The following TMEM59 variants were observed in gnomAD, a reference collection of about 807,000 sequenced individuals.
The protein encoded by TMEM59 is transmembrane protein 59.
A neutral mutation model predicts 42.2 loss-of-function variants in TMEM59; 44 were observed. That is an observed-to-expected ratio of 1.04 (90% CI 0.82 to 1.34). The LOEUF (loss-of-function observed/expected upper bound fraction) is 1.34. Ranked by LOEUF, TMEM59 falls within the 40% of genes most tolerant of loss-of-function variation. The probability of loss-of-function intolerance (pLI) is 0.00; values close to 1 mark genes in which losing one functional copy is unlikely to be tolerated. For missense variants in TMEM59, 359 were observed against 382.8 expected (o/e 0.94, Z 0.52); for synonymous variants, 148 against 145.8 (o/e 1.02, Z -0.11).
intron 1 of TMEM59, among the ~76,000 whole-genome samples, chr1:54,052,257 G>A (rs1322817880): frequency 6.6e-6 from 1 of 152,132 alleles, no homozygotes; most frequent in Non-Finnish European, 1.5e-5. Context: ...TTAAAAGAAA[G>A]GGGGGAAGCA....
intron 7 of TMEM59, among the ~76,000 whole-genome samples, chr1:54,036,268 G>A (rs1450382362): frequency 6.6e-6 from 1 of 151,490 alleles, no homozygotes; most frequent in Non-Finnish European, 1.5e-5. Context: ...GGTGACAGAT[G>A]AGACTCTGCC....
In TMEM59 at chr1:54,041,780, G is replaced by T. The variant is rs953197785; in HGVS notation, c.569C>A (p.Pro190Gln). 8 of 1,613,102 alleles carry T rather than the reference G, an allele frequency of 5.0e-6. No individual in the cohort carries two copies. Among genetic ancestry groups the T allele is most frequent in the Non-Finnish European group, 6.8e-6 (8 of 1,179,480 alleles). The change falls in exon 5 of 8, where the codon CCA (proline) becomes CAA (glutamine). Residue 190 changes from proline (P) to glutamine (Q), a missense_variant. Physicochemically the swap from Pro to Gln is moderately conservative, Grantham distance 76 (BLOSUM62 -1). Coordinates refer to ENST00000234831, the MANE Select transcript of TMEM59 (RefSeq NM_004872.5). ...ATTTGTAGGCTCCTGCTCCAAATGTGGTGCGTACTGGATTTCTGGCTTAGA... is the reference window on the plus strand; with the variant it reads ...ATTTGTAGGCTCCTGCTCCAAATGTTGTGCGTACTGGATTTCTGGCTTAGA... ...FQSKPEIQYAPHLEQEPTNLR... is the reference protein window; with the variant it reads ...FQSKPEIQYAQHLEQEPTNLR...
rs1243465425 is a variant in TMEM59 at position 54,029,720 on chromosome 1, TACC to T, written c.*2427_*2429del. ...TAGATTCTGTGCTTCAGAATTTAAT[TACC>T]ACAAGGAGTCAGAAAATCAACACTA... is the stretch of plus-strand genomic sequence containing the variant. On this transcript the variant is annotated 3_prime_UTR_variant, in exon 8 of 8. Coordinates refer to ENST00000234831, the MANE Select transcript of TMEM59 (RefSeq NM_004872.5). 2 of 152,176 alleles carry T rather than the reference TACC, an allele frequency of 1.3e-5. No homozygotes were observed. Among genetic ancestry groups the T allele is most frequent in the Admixed American group, 6.6e-5 (1 of 15,266 alleles). The allele number at this position is 152,176 out of a possible 1,614,324, so 9.4% of individuals were successfully genotyped here.
chr1:54,052,098 A>C (rs1557682186), intron 1 of TMEM59, among the ~76,000 whole-genome samples: 2 of 152,190 alleles, frequency 1.3e-5, no homozygotes, highest in Admixed American at 1.3e-4. Context: ...AGCAACATCA[A>C]CAAAAGCTCT....
At chr1:54,050,603 G>T (rs1025173536) in intron 1 of TMEM59, among the ~76,000 whole-genome samples, 8 of 145,402 alleles carry the variant, frequency 5.5e-5, no homozygotes, top group African/African-American at 1.8e-4. Flanking sequence ...CCCTCTTGTC[G>T]CCCAGGCTGG....
intron 7 of TMEM59, 152 bp from the exon 8 acceptor site, chr1:54,032,457 T>C (rs1656795865): frequency 3.7e-6 from 3 of 818,712 alleles, no homozygotes; most frequent in East Asian, 5.7e-5. Flanking sequence ...CAAAGTGTTG[T>C]AGATATGTGA....
In TMEM59 at chr1:54,040,743, G is replaced by C. The variant is rs773028348; in HGVS notation, c.707+13C>G. 9 of 1,596,020 alleles carry C rather than the reference G, an allele frequency of 5.6e-6. No homozygotes were observed. The East Asian group carries it at 2.0e-4, about 36-fold the overall frequency. Reference sequence around the variant, plus strand: ...TTTTATCTGTTATACACATAATAAAGAGGAATACATACAGAGAGAGGCATC... The same window carrying C: ...TTTTATCTGTTATACACATAATAAACAGGAATACATACAGAGAGAGGCATC... On this transcript the variant is annotated intron_variant, in intron 6 of 7. Coordinates refer to ENST00000234831, the MANE Select transcript of TMEM59 (RefSeq NM_004872.5).
At chr1:54,044,582 A>C (rs997702707) in intron 3 of TMEM59, 1 of 145,478 alleles carries the variant, frequency 6.9e-6, no homozygotes, top group Non-Finnish European at 1.5e-5. Context: ...CTATGGTAGC[A>C]CTTGGGCCCA....
At chr1:54,041,353 T>C (rs1234621795) in intron 5 of TMEM59, among the ~76,000 whole-genome samples, 1 of 152,214 alleles carries the variant, frequency 6.6e-6, no homozygotes, top group Non-Finnish European at 1.5e-5. Context: ...GATCAATTTA[T>C]TGGGAAATAC....
chr1:54,041,781 G>T lies in TMEM59; in HGVS notation c.568C>A (p.Pro190Thr). ...FQSKPEIQYA[P>T]HLEQEPTNLR... Reference sequence around the variant, plus strand: ...TTTGTAGGCTCCTGCTCCAAATGTGGTGCGTACTGGATTTCTGGCTTAGAC... The same window carrying T: ...TTTGTAGGCTCCTGCTCCAAATGTGTTGCGTACTGGATTTCTGGCTTAGAC... Residue 190 changes from proline to threonine, a missense_variant, in exon 5 of 8, where the codon CCA becomes ACA. Transcript: ENST00000234831. 1 of 1,613,304 alleles carries T rather than the reference G, an allele frequency of 6.2e-7. No individual in the cohort carries two copies. The highest frequency in any genetic ancestry group is 1.1e-5 in the South Asian group (1 of 90,970).
intron 7 of TMEM59, chr1:54,034,333 T>C (rs1656873464): frequency 1.3e-5 from 2 of 152,106 alleles, no homozygotes; most frequent in African/African-American, 4.8e-5. Flanking sequence ...TCTGGGCTGA[T>C]GAAAATGTTC....
At chr1:54,034,821 T>C (rs1242353208) in intron 7 of TMEM59, 1 of 152,198 alleles carries the variant, frequency 6.6e-6, no homozygotes, top group Non-Finnish European at 1.5e-5. Flanking sequence ...GACGTGGATC[T>C]GATGGATCTG....
Position 54,053,003 on chromosome 1 carries a change from A to T in TMEM59, c.186T>A (p.Pro62=). 1.2e-6 allele frequency: 2 copies of T among 1,612,786 alleles called. No homozygotes were observed. The highest frequency in any genetic ancestry group is 1.7e-6 in the Non-Finnish European group (2 of 1,179,222). Reference sequence around the variant, plus strand: ...GCCCGCTCCGGACGGGCCCTACCTTAGGGTAGGTGTGCAAGGGGTAGGTCA... The same window carrying T: ...GCCCGCTCCGGACGGGCCCTACCTTTGGGTAGGTGTGCAAGGGGTAGGTCA... The part of the protein sequence containing the change: ...CQLTYPLHTY[P]KEEELYACQR... Residue 62 remains proline, a synonymous_variant, in exon 1 of 8, where the codon CCT becomes CCA. Transcript: ENST00000234831.
At position 54,045,675 on chromosome 1, in the gene TMEM59, GC is replaced by G. The variant is rs1189284354; in HGVS notation, c.390+16del. 1.2e-6 allele frequency: 2 copies of G among 1,612,130 alleles called. No individual in the cohort carries two copies. The highest frequency in any genetic ancestry group is 2.7e-5 in the African/African-American group (2 of 74,870). On this transcript the variant is annotated intron_variant, in intron 3 of 7. Coordinates refer to ENST00000234831, the MANE Select transcript of TMEM59 (RefSeq NM_004872.5). Reference sequence around the variant, plus strand: ...CCATCTAAGCAGGCTAGTTTGAAAGGCAGTATTGTTTCGTACTTGTTCTTGT... The same window carrying G: ...CCATCTAAGCAGGCTAGTTTGAAAGGAGTATTGTTTCGTACTTGTTCTTGT...
intron 7 of TMEM59, chr1:54,035,009 TGAG>T (rs1181696570): frequency 1.3e-5 from 2 of 152,192 alleles, no homozygotes; most frequent in African/African-American, 4.8e-5. Flanking sequence ...GGTAGGAGAC[TGAG>T]GAGATGTTGG....
intron 3 of TMEM59, chr1:54,045,464 G>A: frequency 4.3e-6 from 2 of 468,798 alleles, no homozygotes; most frequent in Non-Finnish European, 7.6e-6. Context: ...ACTGGAATGT[G>A]AGAAGAAACA....
intron 5 of TMEM59, among the ~76,000 whole-genome samples, chr1:54,041,430 A>G (rs1657132885): frequency 6.6e-6 from 1 of 152,188 alleles, no homozygotes; most frequent in Admixed American, 6.5e-5. Context: ...TAGAATAGTG[A>G]TTTTCAAAGT....
rs757634096 is a variant in TMEM59, at chr1:54,040,812, C to T, written c.651G>A (p.Ala217=). The T allele has an allele frequency of 6.2e-6, 10 of 1,613,552 alleles. No homozygotes were observed. Among genetic ancestry groups the T allele is most frequent in the East Asian group, 4.5e-5 (2 of 44,792 alleles). ...CTCCATCTTCAAGAAAATTCCTGTG[C>T]GCTTGTGAATTTCTCATTTGCAGAT... ...MSYLQMRNSQ[A]HRNFLEDGES... is the part of the protein sequence containing the mutation. Residue 217 remains alanine, a synonymous_variant, in exon 6 of 8, where the codon GCG becomes GCA. Transcript: ENST00000234831.
intron 5 of TMEM59, among the ~76,000 whole-genome samples, 198 bp from the exon 6 acceptor site, chr1:54,041,035 T>C (rs1433159610): frequency 1.3e-5 from 2 of 152,374 alleles, no homozygotes; most frequent in Non-Finnish European, 2.9e-5. Context: ...GTTTCCTGTT[T>C]TATTTTCAAA....
Sources: allele counts gnomAD v4.1 joint callset (sites outside exome capture counted in the v4.1 genomes callset), GRCh38; gene constraint gnomAD v4.1.1; transcripts MANE v1.5; gene names NCBI Gene and HGNC (gene_info 2026-07-23, HGNC 2026-07-21).